The following MTHFD1L variants were observed in gnomAD, a reference collection of about 807,000 sequenced individuals.
The protein encoded by MTHFD1L is methylenetetrahydrofolate dehydrogenase (NADP+ dependent) 1 like.
Under a neutral mutation model 119.5 loss-of-function variants are expected in MTHFD1L, and 81 were observed. That is an observed-to-expected ratio of 0.68 (90% CI 0.57 to 0.82). The LOEUF (loss-of-function observed/expected upper bound fraction) is 0.82. MTHFD1L is among the 40% of genes least tolerant of loss of function. MTHFD1L has a pLI of 0.00. For missense variants in MTHFD1L, 1,125 were observed against 1,253.4 expected (o/e 0.90, Z 1.55); for synonymous variants, 430 against 475.2 (o/e 0.90, Z 1.24).
At chr6:150,899,041 T>A in intron 7 of MTHFD1L, 4 of 977,528 alleles carry the variant, frequency 4.1e-6, no homozygotes, top group Non-Finnish European at 4.9e-6. Context: ...CATGACTTTT[T>A]TAAGTGTGAA....
intron 8 of MTHFD1L, chr6:150,912,841 C>G (rs750003700): frequency 1.8e-5 from 5 of 275,700 alleles, no homozygotes; most frequent in Non-Finnish European, 3.1e-5. Flanking sequence ...AGGCCCAGAT[C>G]GTAGACAACC....
chr6:150,968,383 A>C (rs908603734), intron 19 of MTHFD1L, among the ~76,000 whole-genome samples: 4 of 152,266 alleles, frequency 2.6e-5, no homozygotes, highest in African/African-American at 9.6e-5. Flanking sequence ...ACATTTATTA[A>C]TAAATAACTG....
chr6:150,956,006 A>T lies in MTHFD1L; in HGVS notation c.1738A>T (p.Asn580Tyr). The T allele has an allele frequency of 6.2e-7, 1 of 1,613,928 alleles. No individual in the cohort carries two copies. Among genetic ancestry groups the T allele is most frequent in the Non-Finnish European group, 8.5e-7 (1 of 1,179,804 alleles). Residue 580 changes from asparagine (N) to tyrosine (Y), a missense_variant, in exon 17 of 28, where the codon AAT becomes TAT. By Grantham distance (143) the Asn-to-Tyr change is moderately radical. Transcript: ENST00000367321. The stretch of plus-strand genomic sequence containing the variant: ...CTGTTCTCTTTCAGTATTGGATACA[A>T]ATGACCGATTTCTACGAAAAATAAC... ...TITWQRVLDT[N>Y]DRFLRKITIG... is the part of the protein sequence containing the mutation.
chr6:151,047,451 A>G (rs938407759), intron 26 of MTHFD1L, among the ~76,000 whole-genome samples: 3 of 152,136 alleles, frequency 2.0e-5, no homozygotes, highest in Non-Finnish European at 4.4e-5. Flanking sequence ...AAATGATCCA[A>G]TGAAGGGATT....
chr6:151,076,419 G>A (rs1792521706), intron 26 of MTHFD1L, among the ~76,000 whole-genome samples: 1 of 152,130 alleles, frequency 6.6e-6, no homozygotes. Context: ...GGAGGCTGAG[G>A]CAGGTGGATC....
intron 7 of MTHFD1L, among the ~76,000 whole-genome samples, chr6:150,896,719 A>G (rs2128810940): frequency 6.6e-6 from 1 of 152,258 alleles, no homozygotes; most frequent in South Asian, 2.1e-4. Context: ...GAGAGCCAAA[A>G]AAACTTTATT....
intron 26 of MTHFD1L, among the ~76,000 whole-genome samples, chr6:151,049,110 C>T (rs573480873): frequency 6.6e-6 from 1 of 152,332 alleles, no homozygotes; most frequent in South Asian, 2.1e-4. Flanking sequence ...AATGCCAACA[C>T]TTTGGGAGAC....
rs1322391609 is a variant in MTHFD1L at position 150,964,979 on chromosome 6, G to T, written c.1955G>T (p.Gly652Val). 1.2e-6 allele frequency: 2 copies of T among 1,613,952 alleles called. No individual in the cohort carries two copies. The highest frequency in any genetic ancestry group is 1.7e-6 in the Non-Finnish European group (2 of 1,179,872). The change falls in exon 19 of 28, where the codon GGT becomes GTT. Residue 652 changes from glycine (G) to valine (V), a missense_variant. Gly to Val is a moderately radical substitution (Grantham distance 109). This residue lies in a region of MTHFD1L where 1,058 missense variants were observed against 1,151.2 expected (regional missense o/e 0.92). Coordinates refer to ENST00000367321, the MANE Select transcript of MTHFD1L (RefSeq NM_015440.5). The part of the protein sequence containing the change: ...PVTADDLGVT[G>V]ALTVLMKDAI... ...TTCTCTCTCCTGTAGGGGGTGACAG[G>T]TGCTTTGACAGTTTTGATGAAAGAT...
At chr6:151,082,136 G>C (rs57782847) in intron 26 of MTHFD1L, among the ~76,000 whole-genome samples, 2,225 of 152,280 alleles carry the variant, frequency 0.015, 63 homozygotes, top group South Asian at 0.085. Context: ...ACACGTAGTG[G>C]AGATTTTCAT....
chr6:150,971,150 G>A (rs1797951695), intron 19 of MTHFD1L, among the ~76,000 whole-genome samples: 1 of 152,080 alleles, frequency 6.6e-6, no homozygotes, highest in South Asian at 2.1e-4. Context: ...GACACCACCT[G>A]TGTATTCATA....
intron 10 of MTHFD1L, among the ~76,000 whole-genome samples, chr6:150,924,120 C>T (rs1255379882): frequency 6.6e-6 from 1 of 152,168 alleles, no homozygotes; most frequent in East Asian, 1.9e-4. Context: ...GATTTCTAGA[C>T]CCACTGGGCA....
chr6:150,929,962 A>G (rs745826136), intron 11 of MTHFD1L, among the ~76,000 whole-genome samples: 9 of 152,214 alleles, frequency 5.9e-5, no homozygotes, highest in East Asian at 1.9e-4. Flanking sequence ...AAATAGCCAC[A>G]CTGGATTCTA....
intron 20 of MTHFD1L, among the ~76,000 whole-genome samples, chr6:150,994,077 A>AAAGAAAGAAAGAAAG (rs1562508689): frequency 9.5e-6 from 1 of 105,300 alleles, no homozygotes. Context: ...AAAAAAAAAA[A>AAAGAAAGAAAGAAAG]AAAGAAAGAA....
intron 20 of MTHFD1L, among the ~76,000 whole-genome samples, chr6:150,991,410 A>G (rs552170403): frequency 6.6e-6 from 1 of 152,352 alleles, no homozygotes; most frequent in East Asian, 1.9e-4. Context: ...TATGAGATTT[A>G]TATCTATATA....
At chr6:151,085,672 G>A (rs12198884) in intron 26 of MTHFD1L, among the ~76,000 whole-genome samples, 37,370 of 152,006 alleles carry the variant, frequency 0.25, 4,724 homozygotes, top group South Asian at 0.33. Context: ...TCGGGAGGCT[G>A]AAGCAGGAGA....
At chr6:150,945,848 T>A (rs1793840050) in intron 15 of MTHFD1L, among the ~76,000 whole-genome samples, 1 of 152,156 alleles carries the variant, frequency 6.6e-6, no homozygotes. Context: ...ACAAGTTAGC[T>A]GGGCACAGGA....
chr6:150,938,368 A>G (rs1171500357), intron 12 of MTHFD1L, among the ~76,000 whole-genome samples: 1 of 152,220 alleles, frequency 6.6e-6, no homozygotes, highest in African/African-American at 2.4e-5. Context: ...ATCATATACA[A>G]TTGATTTAGA....
chr6:151,099,518 T>G (rs1056434775), intron 27 of MTHFD1L: 3 of 1,585,238 alleles, frequency 1.9e-6, no homozygotes, highest in Admixed American at 3.3e-5. Context: ...CATCTCCTCC[T>G]CGGCATCTTG....
At chr6:150,867,278 G>A (rs1354300514) in intron 1 of MTHFD1L, among the ~76,000 whole-genome samples, 3 of 152,044 alleles carry the variant, frequency 2.0e-5, no homozygotes, top group African/African-American at 7.2e-5. Flanking sequence ...TGCAGCCTCC[G>A]CCTCCTGGGC....
Sources: allele counts gnomAD v4.1 joint callset (sites outside exome capture counted in the v4.1 genomes callset), GRCh38; gene constraint gnomAD v4.1.1; regional missense constraint gnomAD v4.1.1; transcripts MANE v1.5; gene names NCBI Gene and HGNC (gene_info 2026-07-23, HGNC 2026-07-21).